HMCN1: variants seen among roughly 807,000 people sequenced by gnomAD.
The protein encoded by HMCN1 is hemicentin-1.
Under a neutral mutation model 625.9 loss-of-function variants are expected in HMCN1, and 321 were observed. The ratio of observed to expected loss-of-function variants is 0.51; its 90% CI spans 0.47 to 0.56. HMCN1 has a LOEUF of 0.56. Ranked by LOEUF, HMCN1 falls within the 20% of genes least tolerant of loss-of-function variation. The pLI is 0.00. For synonymous variants in HMCN1, 2,425 were observed against 2,417.6 expected, an observed-to-expected ratio of 1.00 and a Z score of -0.09; for missense variants, 6,588 against 6,887.3, an observed-to-expected ratio of 0.96 and a Z score of 1.54.
At chr1:186,133,759 T>C (rs1353589599) in intron 86 of HMCN1, among the ~76,000 whole-genome samples, 2 of 152,170 alleles carry the variant, frequency 1.3e-5, no homozygotes, top group African/African-American at 2.4e-5. Context: ...TATCAAATGA[T>C]AACATGGGAT....
In HMCN1 at chr1:186,017,624, G is replaced by C. The variant is rs145186408; in HGVS notation, c.5300+553G>C. ...TCACACATGATTATAAAACTAACTG[G>C]AATGTGAAATTCAGAAATGTAAAAA... is the stretch of plus-strand genomic sequence containing the variant. On this transcript the variant is annotated intron_variant, in intron 33 of 106. Transcript: ENST00000271588. Among the ~76,000 whole-genome samples the C allele has an allele frequency of 7.2e-5, 11 of 152,052 alleles. No homozygotes were observed. The East Asian group carries it at 2.1e-3, about 29-fold the overall frequency.
chr1:185,837,030 G>GTGTA (rs1553247829), intron 1 of HMCN1, among the ~76,000 whole-genome samples: 6 of 147,460 alleles, frequency 4.1e-5, no homozygotes, highest in African/African-American at 1.5e-4. Context: ...GTGTGTGTGT[G>GTGTA]TATATATAAA....
intron 86 of HMCN1, 27 bp downstream of exon 86, chr1:186,132,436 AC>A (rs762076192): frequency 2.0e-6 from 3 of 1,518,582 alleles, no homozygotes; most frequent in Non-Finnish European, 2.7e-6. Context: ...AACTAATTAA[AC>A]ACTTGATTTA....
chr1:185,783,689 T>C (rs865924941), intron 1 of HMCN1, among the ~76,000 whole-genome samples: 2 of 152,320 alleles, frequency 1.3e-5, no homozygotes, highest in Middle Eastern at 3.4e-3. Context: ...TGTTGATGCC[T>C]GATCATTCCT....
chr1:185,909,457 A>G lies in HMCN1; in HGVS notation c.742A>G (p.Thr248Ala). The G allele has an allele frequency of 1.2e-6, 2 of 1,613,692 alleles. No individual in the cohort carries two copies. Among genetic ancestry groups the G allele is most frequent in the African/African-American group, 1.3e-5 (1 of 75,028 alleles). Residue 248 changes from threonine (T) to alanine (A), a missense_variant, in exon 5 of 107, where the codon ACT becomes GCT. Transcript: ENST00000271588. ...IPFDPSLKEV[T>A]VSLSGPSPMI... The stretch of plus-strand genomic sequence containing the variant: ...TTTTGATCCCAGCCTGAAAGAGGTC[A>G]CTGTGTCTTTGAGTGGGCCTTCTCC...
intron 100 of HMCN1, among the ~76,000 whole-genome samples, chr1:186,170,906 T>C (rs547460703): frequency 2.0e-5 from 3 of 152,168 alleles, no homozygotes; most frequent in Non-Finnish European, 4.4e-5. Flanking sequence ...AGGCACAGGG[T>C]GATAAAGACT....
chr1:185,974,268 T>C (rs1445221187), intron 15 of HMCN1, among the ~76,000 whole-genome samples: 8 of 152,144 alleles, frequency 5.3e-5, no homozygotes, highest in Admixed American at 5.2e-4. Context: ...AAATTAACCA[T>C]AGACTTATTA....
Position 186,178,409 on chromosome 1 carries a change from C to T in HMCN1, c.15944-7C>T, listed in dbSNP as rs373368772. 22 of 1,596,894 alleles carry T rather than the reference C, an allele frequency of 1.4e-5. 1 individual carries two copies. The highest frequency in any genetic ancestry group is 1.2e-4 in the South Asian group (11 of 90,708). The stretch of plus-strand genomic sequence containing the variant: ...TTTTTCTTTTTTATATCATGGCATA[C>T]GAGCAGACATTAATGAATGTGAACA... On this transcript the variant is annotated splice_polypyrimidine_tract_variant and splice_region_variant and intron_variant, in intron 103 of 106. Transcript: ENST00000271588.
intron 4 of HMCN1, among the ~76,000 whole-genome samples, chr1:185,896,924 C>T (rs976817051): frequency 6.6e-6 from 1 of 152,102 alleles, no homozygotes; most frequent in Admixed American, 6.5e-5. Flanking sequence ...TTCAAATATA[C>T]CTTGATGCTG....
intron 1 of HMCN1, among the ~76,000 whole-genome samples, chr1:185,840,486 C>T (rs1405843784): frequency 6.6e-6 from 1 of 152,056 alleles, no homozygotes; most frequent in Admixed American, 6.6e-5. Context: ...TTTCTTTGTT[C>T]TTTTGTCACC....
chr1:186,133,422 A>G (rs1316579155), intron 86 of HMCN1, among the ~76,000 whole-genome samples: 1 of 152,196 alleles, frequency 6.6e-6, no homozygotes, highest in Non-Finnish European at 1.5e-5. Flanking sequence ...CATGCTCATC[A>G]GGAAGCCCTT....
intron 1 of HMCN1, among the ~76,000 whole-genome samples, chr1:185,842,691 A>T (rs970866731): frequency 6.6e-6 from 1 of 152,090 alleles, no homozygotes; most frequent in African/African-American, 2.4e-5. Flanking sequence ...TGACAGTGCC[A>T]CTGCACTCCA....
At chr1:186,056,013 C>T (rs191526117) in intron 45 of HMCN1, among the ~76,000 whole-genome samples, 75 of 152,076 alleles carry the variant, frequency 4.9e-4, no homozygotes, top group African/African-American at 1.6e-3. Context: ...CTTGTATAAA[C>T]GTAAGCTCCT....
At chr1:186,171,667 A>G (rs1257668892) in intron 101 of HMCN1, among the ~76,000 whole-genome samples, 1 of 152,080 alleles carries the variant, frequency 6.6e-6, no homozygotes, top group African/African-American at 2.4e-5. Context: ...ATTTCCTCTA[A>G]TATTTTTGCA....
chr1:185,936,771 G>T (rs538574338), intron 11 of HMCN1, among the ~76,000 whole-genome samples: 5 of 152,264 alleles, frequency 3.3e-5, no homozygotes, highest in African/African-American at 1.2e-4. Flanking sequence ...AGAAACAGAT[G>T]GTAGCAGAGG....
intron 1 of HMCN1, among the ~76,000 whole-genome samples, chr1:185,768,678 G>T (rs1000424967): frequency 6.6e-6 from 1 of 152,214 alleles, no homozygotes; most frequent in African/African-American, 2.4e-5. Flanking sequence ...GGGTGTGGCG[G>T]CTCACGCCTG....
At chr1:185,818,087 C>T (rs556518197) in intron 1 of HMCN1, among the ~76,000 whole-genome samples, 3 of 151,906 alleles carry the variant, frequency 2.0e-5, no homozygotes, top group East Asian at 3.9e-4. Flanking sequence ...CTTAGATTTC[C>T]CCACCTTTAT....
intron 1 of HMCN1, among the ~76,000 whole-genome samples, chr1:185,842,926 G>A (rs900631808): frequency 6.6e-6 from 1 of 152,024 alleles, no homozygotes; most frequent in Non-Finnish European, 1.5e-5. Flanking sequence ...GAGCTGCATA[G>A]GTCACTCAGC....
intron 93 of HMCN1, among the ~76,000 whole-genome samples, chr1:186,148,539 C>T (rs1012838393): frequency 2.6e-5 from 4 of 152,114 alleles, no homozygotes; most frequent in African/African-American, 9.7e-5. Flanking sequence ...GACAGAGTCT[C>T]ATTCTGTCAC....
Sources: gnomAD v4.1 joint callset for allele counts (sites outside exome capture counted in the v4.1 genomes callset) on GRCh38, gnomAD v4.1.1 for gene constraint, MANE v1.5 for transcripts, NCBI Gene and HGNC (gene_info 2026-07-23, HGNC 2026-07-21) for gene names.